RINT1: variants seen among roughly 807,000 people sequenced by gnomAD.
The protein encoded by RINT1 is RAD50 interactor 1.
RINT1 carries 75 observed loss-of-function variants against 97.7 expected under a neutral mutation model. That is an observed-to-expected ratio of 0.77 (90% CI 0.64 to 0.93). The LOEUF (loss-of-function observed/expected upper bound fraction) is 0.93. Ranked by LOEUF, RINT1 falls within the 40% of genes least tolerant of loss-of-function variation. The pLI, the probability that RINT1 is intolerant of heterozygous loss-of-function variation, is 0.00. For missense variants in RINT1, 892 were observed against 925.2 expected, an observed-to-expected ratio of 0.96 and a Z score of 0.47; for synonymous variants, 303 against 326.3, an observed-to-expected ratio of 0.93 and a Z score of 0.77.
chr7:105,535,229 C>CTTTT (rs57647904), intron 2 of RINT1, among the ~76,000 whole-genome samples: 1 of 129,416 alleles, frequency 7.7e-6, no homozygotes, highest in Non-Finnish European at 1.6e-5. Context: ...GCTTAAAAAC[C>CTTTT]TTTTTTTTTT....
intron 2 of RINT1, 141 bp downstream of exon 2, chr7:105,533,010 G>T: frequency 1.3e-6 from 1 of 757,650 alleles, no homozygotes; most frequent in South Asian, 1.5e-5. Flanking sequence ...TAATACTGAT[G>T]ACCATGATAC....
At chr7:105,550,627 G>C in intron 9 of RINT1, 141 bp downstream of exon 9, 2 of 639,518 alleles carry the variant, frequency 3.1e-6, no homozygotes, top group South Asian at 4.1e-5. Context: ...TTCCTTCAGA[G>C]ATAATCTTTT....
At chr7:105,561,933 A>G (rs1214682473) in intron 11 of RINT1, among the ~76,000 whole-genome samples, 3 of 152,150 alleles carry the variant, frequency 2.0e-5, no homozygotes, top group Non-Finnish European at 4.4e-5. Flanking sequence ...TTTTCACTAT[A>G]TGTAATCCAT....
intron 12 of RINT1, 83 bp downstream of exon 12, chr7:105,564,030 A>G (rs1457002855): frequency 1.0e-6 from 1 of 965,848 alleles, no homozygotes; most frequent in Admixed American, 2.2e-5. Context: ...AGGTGTCTAG[A>G]TAGAACCCGG....
rs774636450 is a variant in RINT1 at position 105,550,044 on chromosome 7, T to A, written c.997-11T>A. ...GACTTAAGAATTCAAACTATTTTCC[T>A]CCTTCCTTAGCCAGAATGGTACTTG... On this transcript the variant is annotated splice_polypyrimidine_tract_variant and intron_variant, in intron 7 of 14. Transcript: ENST00000257700. The A allele has an allele frequency of 6.5e-7, 1 of 1,545,350 alleles. No homozygotes were observed. The highest frequency in any genetic ancestry group is 2.3e-5 in the East Asian group (1 of 44,312).
chr7:105,542,504 G>GA lies in RINT1; in HGVS notation c.373dup (p.Thr125AsnfsTer8), dbSNP rs1293925787. On this transcript the variant is annotated frameshift_variant, in exon 4 of 15. Transcript: ENST00000257700. LOFTEE classifies it high-confidence loss of function. ...ATTTCTTAATCAGTTTCTGGAGCAG[G>GA]AAACTCATCTCTTCAGCGCCATTAA... 3.7e-6 allele frequency: 6 copies of GA among 1,614,006 alleles called. No homozygotes were observed. The highest frequency in any genetic ancestry group is 2.7e-5 in the African/African-American group (2 of 74,904).
intron 3 of RINT1, among the ~76,000 whole-genome samples, chr7:105,538,394 C>T (rs1450691223): frequency 1.3e-5 from 2 of 152,204 alleles, no homozygotes; most frequent in Non-Finnish European, 2.9e-5. Context: ...GTCCCCATTA[C>T]CTTAGGCCTC....
rs780699445 is a variant in RINT1 at position 105,542,582 on chromosome 7, A to G, written c.448A>G (p.Ser150Gly). The G allele has an allele frequency of 6.2e-7, 1 of 1,614,066 alleles. No homozygotes were observed. The change falls in exon 4 of 15, where the codon AGC (serine) becomes GGC (glycine). Residue 150 changes from serine to glycine, a missense_variant. Coordinates refer to ENST00000257700, the MANE Select transcript of RINT1 (RefSeq NM_021930.6). ...GATGGACGATCTTGGAACCATGATT[A>G]GCCAGATTGAAGAGATCGAACGTCA... Reference protein sequence around the residue: ...PWMDDLGTMISQIEEIERHLA... With the variant: ...PWMDDLGTMIGQIEEIERHLA...
intron 11 of RINT1, among the ~76,000 whole-genome samples, chr7:105,559,339 G>A (rs1020923916): frequency 1.3e-5 from 2 of 152,082 alleles, no homozygotes; most frequent in Admixed American, 1.3e-4. Flanking sequence ...TCAGGAGTTC[G>A]AGACCAGCCT....
chr7:105,563,323 G>C (rs1303944123), intron 11 of RINT1, among the ~76,000 whole-genome samples: 5 of 152,020 alleles, frequency 3.3e-5, no homozygotes, highest in Admixed American at 1.3e-4. Flanking sequence ...AAATTGTGAT[G>C]GATATACAAC....
intron 3 of RINT1, among the ~76,000 whole-genome samples, chr7:105,538,395 C>G (rs2133362531): frequency 6.6e-6 from 1 of 152,296 alleles, no homozygotes; most frequent in Non-Finnish European, 1.5e-5. Flanking sequence ...TCCCCATTAC[C>G]TTAGGCCTCC....
At chr7:105,547,122 G>A (rs376305656) in intron 5 of RINT1, 39 bp downstream of exon 5, 77 of 1,612,710 alleles carry the variant, frequency 4.8e-5, no homozygotes, top group South Asian at 9.9e-5. Context: ...ATTGCTTTCC[G>A]ATGGGTATTT....
chr7:105,548,733 CTTGGTTT>C (rs747517725), intron 7 of RINT1, 23 bp downstream of exon 7: 33 of 1,580,350 alleles, frequency 2.1e-5, no homozygotes, highest in Non-Finnish European at 2.8e-5. Context: ...AGCTCTTGTC[CTTGGTTT>C]TTATTGGTAA....
intron 11 of RINT1, among the ~76,000 whole-genome samples, chr7:105,562,540 T>C (rs1791483532): frequency 1.3e-5 from 2 of 152,176 alleles, no homozygotes; most frequent in Non-Finnish European, 2.9e-5. Flanking sequence ...AACATAGACT[T>C]ACCATAAGAT....
chr7:105,557,520 C>T (rs1381664451), intron 11 of RINT1, among the ~76,000 whole-genome samples: 1 of 151,924 alleles, frequency 6.6e-6, no homozygotes, highest in East Asian at 1.9e-4. Context: ...CATGTAAAAA[C>T]ATTAAATGCC....
intron 10 of RINT1, among the ~76,000 whole-genome samples, chr7:105,554,146 C>G (rs897597228): frequency 6.6e-5 from 10 of 152,090 alleles, no homozygotes; most frequent in South Asian, 4.1e-4. Flanking sequence ...GATCCACCCG[C>G]CTCAGCCTCC....
chr7:105,562,032 C>G (rs912608633), intron 11 of RINT1, among the ~76,000 whole-genome samples: 5 of 152,060 alleles, frequency 3.3e-5, no homozygotes, highest in Non-Finnish European at 7.4e-5. Flanking sequence ...TTCCCTAAAG[C>G]CAATCACTTT....
At position 105,542,396 on chromosome 7, in the gene RINT1, A is replaced by C; in HGVS notation, c.274-12A>C. On this transcript the variant is annotated splice_polypyrimidine_tract_variant and intron_variant, in intron 3 of 14. Transcript: ENST00000257700. ...TGTTCTTTCTTTCTTTCTTTTTTAA[A>C]ATTATGGTCAGGTACTTACAATTTC... The C allele has an allele frequency of 6.5e-7, 1 of 1,548,104 alleles. No homozygotes were observed.
intron 11 of RINT1, among the ~76,000 whole-genome samples, chr7:105,559,579 G>A (rs905065809): frequency 6.7e-6 from 1 of 149,888 alleles, no homozygotes. Context: ...GAAAAAGCCA[G>A]GTGTGGTGGC....
Sources: allele counts gnomAD v4.1 joint callset (sites outside exome capture counted in the v4.1 genomes callset), GRCh38; gene constraint gnomAD v4.1.1; transcripts MANE v1.5; gene names NCBI Gene and HGNC (gene_info 2026-07-23, HGNC 2026-07-21).